The following CEP63 variants were observed in gnomAD, a reference collection of about 807,000 sequenced individuals.
CEP63 encodes centrosomal protein of 63 kDa.
In CEP63, 84 loss-of-function variants were observed where a neutral mutation model predicts 89.1. The ratio of observed to expected loss-of-function variants is 0.94; its 90% confidence interval spans 0.79 to 1.13. CEP63 has a LOEUF of 1.13. CEP63 is among the 50% of genes most tolerant of loss of function. The pLI is 0.00. For missense variants in CEP63, 838 were observed against 813.3 expected (o/e 1.03, Z -0.37); for synonymous variants, 267 against 272.5 (o/e 0.98, Z 0.20).
At chr3:134,715,545 CCT>C in the CEP63 span, among the ~76,000 whole-genome samples, 1 of 130,880 alleles carries the variant, frequency 7.6e-6, no homozygotes, top group Admixed American at 7.8e-5. Flanking sequence ...TTTGTTTTTT[CCT>C]CTCTCTAGAC....
At chr3:134,678,526 A>G in the CEP63 span, among the ~76,000 whole-genome samples, 1 of 152,186 alleles carries the variant, frequency 6.6e-6, no homozygotes, top group Admixed American at 6.5e-5. Flanking sequence ...TGTTTAATGA[A>G]TGCTGGAGTG....
the CEP63 span, chr3:134,651,318 C>G: frequency 3.4e-6 from 4 of 1,171,862 alleles, no homozygotes; most frequent in Non-Finnish European, 4.3e-6. Flanking sequence ...TGGTCCTGGG[C>G]TCCAGGGCTT....
At chr3:134,659,564 T>C in the CEP63 span, among the ~76,000 whole-genome samples, 2 of 152,230 alleles carry the variant, frequency 1.3e-5, no homozygotes, top group Non-Finnish European at 2.9e-5. Flanking sequence ...CTTGCCATTC[T>C]GCACGTTTCA....
At chr3:134,518,347 AC>A (rs1359756413) in intron 3 of CEP63, among the ~76,000 whole-genome samples, 1 of 152,186 alleles carries the variant, frequency 6.6e-6, no homozygotes, top group Non-Finnish European at 1.5e-5. Flanking sequence ...GTACCTAGTA[AC>A]TGCTGAATAC....
chr3:134,559,203 CAG>C lies in CEP63; in HGVS notation c.1729_1730del (p.Asp577SerfsTer11). 1 of 1,614,164 alleles carries C rather than the reference CAG, an allele frequency of 6.2e-7. No individual in the cohort carries two copies. The highest frequency in any genetic ancestry group is 8.5e-7 in the Non-Finnish European group (1 of 1,179,998). ...GGAATAAAGACTGAGCACTACAAAA[CAG>C]ATCTTCATTCTCCAAGAGGACAAGC... On this transcript the variant is annotated frameshift_variant, in exon 14 of 15. Coordinates refer to ENST00000675561, the MANE Select transcript of CEP63 (RefSeq NM_001353108.3). LOFTEE classifies it high-confidence loss of function.
chr3:134,610,175 G>A, the CEP63 span: 1 of 1,604,674 alleles, frequency 6.2e-7, no homozygotes, highest in Non-Finnish European at 8.5e-7. Context: ...ACGCCCAGCA[G>A]AACTGAGACA....
the CEP63 span, among the ~76,000 whole-genome samples, chr3:134,670,873 T>C: frequency 6.6e-6 from 1 of 152,352 alleles, no homozygotes; most frequent in African/African-American, 2.4e-5. Flanking sequence ...AACGTGTGGA[T>C]GAACATCTAC....
At chr3:134,716,736 C>G in the CEP63 span, among the ~76,000 whole-genome samples, 2 of 152,210 alleles carry the variant, frequency 1.3e-5, no homozygotes, top group African/African-American at 4.8e-5. Flanking sequence ...AGCCACCCCC[C>G]CAATCCAGCC....
chr3:134,557,376 G>GTTTTTTGTTTTTTTTTTT (rs1956393276), intron 12 of CEP63, among the ~76,000 whole-genome samples: 1 of 101,500 alleles, frequency 9.9e-6, no homozygotes, highest in Non-Finnish European at 1.8e-5. Flanking sequence ...TTCATAATTT[G>GTTTTTTGTTTTTTTTTTT]TTTTTTTTTT....
At chr3:134,588,934 T>G (rs2107681867), downstream of CEP63, among the ~76,000 whole-genome samples, 1 of 152,346 alleles carries the variant, frequency 6.6e-6, no homozygotes, top group South Asian at 2.1e-4. Context: ...CAATAACTCC[T>G]TGCCAACAGC....
At chr3:134,495,891 A>G (rs1939706987) in intron 2 of CEP63, among the ~76,000 whole-genome samples, 1 of 152,234 alleles carries the variant, frequency 6.6e-6, no homozygotes, top group South Asian at 2.1e-4. Flanking sequence ...GTTGCTGCAA[A>G]TAACAGGGCT....
Position 134,495,325 on chromosome 3 carries a change from A to G in CEP63, c.5A>G (p.Glu2Gly). The G allele has an allele frequency of 6.2e-7, 1 of 1,613,682 alleles. No homozygotes were observed. Among genetic ancestry groups the G allele is most frequent in the South Asian group, 1.1e-5 (1 of 91,034 alleles). M[E>G]ALLEGIQNRG... ...CAAAACAAAGGGGATTTGGTGATGG[A>G]GGCTTTGTTAGAAGGAATACAAAAT... The change falls in exon 2 of 15, where the codon GAG becomes GGG. Residue 2 changes from glutamate (E) to glycine (G), a missense_variant. Coordinates refer to ENST00000675561, the MANE Select transcript of CEP63 (RefSeq NM_001353108.3).
At chr3:134,769,401 A>T in the CEP63 span, among the ~76,000 whole-genome samples, 1 of 152,216 alleles carries the variant, frequency 6.6e-6, no homozygotes, top group East Asian at 1.9e-4. Context: ...TAGCACAGTG[A>T]GTCTCAACCT....
chr3:134,733,358 T>TGCCCC, the CEP63 span, among the ~76,000 whole-genome samples: 1 of 123,516 alleles, frequency 8.1e-6, no homozygotes, highest in Non-Finnish European at 1.7e-5. Context: ...ACTACTAGAC[T>TGCCCC]TTAAAGACAA....
chr3:134,684,154 C>T, the CEP63 span, among the ~76,000 whole-genome samples: 3 of 152,298 alleles, frequency 2.0e-5, no homozygotes, highest in Non-Finnish European at 4.4e-5. Context: ...GTAGTGTTGA[C>T]TGAGGCTGTG....
rs541892314 is a variant in CEP63, at chr3:134,496,922, A to AT, written c.44+1559dup. On this transcript the variant is annotated intron_variant, in intron 2 of 14. Coordinates refer to ENST00000675561, the MANE Select transcript of CEP63 (RefSeq NM_001353108.3). ...CATATGAGAGTTCCCTTTTGTCCACATCCCCCCCAGCATTTGTTATATTTT... is the reference window on the plus strand; with the variant it reads ...CATATGAGAGTTCCCTTTTGTCCACATTCCCCCCCAGCATTTGTTATATTTT... Among the ~76,000 whole-genome samples, 630 of 152,134 alleles carry AT rather than the reference A, an allele frequency of 4.1e-3. 3 individuals carry two copies. The highest frequency in any genetic ancestry group is 0.014 in the African/African-American group (602 of 41,526).
At position 134,544,646 on chromosome 3, in the gene CEP63, A is replaced by G. The variant is rs559347814; in HGVS notation, c.556-940A>G. Among the ~76,000 whole-genome samples, 245 of 128,252 alleles carry G rather than the reference A, an allele frequency of 1.9e-3. 1 individual carries two copies. Among genetic ancestry groups the G allele is most frequent in the African/African-American group, 6.3e-3 (220 of 35,026 alleles). The allele number at this position is 128,252 out of a possible 152,430, so 84.1% of individuals were successfully genotyped here. On this transcript the variant is annotated intron_variant, in intron 6 of 14. Transcript: ENST00000675561. ...ACAACATGCTCTAGGTGGGGGGGGG[A>G]ATTTAAACTACAAATTTAGTGATTT...
chr3:134,694,256 C>A, the CEP63 span, among the ~76,000 whole-genome samples: 3 of 152,202 alleles, frequency 2.0e-5, no homozygotes, highest in Non-Finnish European at 4.4e-5. Flanking sequence ...AGCTGCACGC[C>A]TGCTCTCCTG....
chr3:134,492,337 G>A (rs1003615959), intron 1 of CEP63, among the ~76,000 whole-genome samples: 8 of 152,084 alleles, frequency 5.3e-5, no homozygotes, highest in Admixed American at 2.0e-4. Flanking sequence ...AAATCAAAGT[G>A]ACATAGTGCA....
Sources: gnomAD v4.1 joint callset for allele counts (sites outside exome capture counted in the v4.1 genomes callset) on GRCh38, gnomAD v4.1.1 for gene constraint, MANE v1.5 for transcripts, NCBI Gene and HGNC (gene_info 2026-07-23, HGNC 2026-07-21) for gene names.